CNIH3: variants seen among roughly 807,000 people sequenced by gnomAD.
The protein encoded by CNIH3 is protein cornichon homolog 3.
In CNIH3, 14 loss-of-function variants were observed where a neutral mutation model predicts 24.1. The observed-to-expected ratio is 0.58, with a 90% CI of 0.38 to 0.91. CNIH3 has a LOEUF of 0.91. Ranked by LOEUF, CNIH3 falls within the 40% of genes least tolerant of loss-of-function variation. CNIH3 has a pLI of 0.00. For synonymous variants in CNIH3, 68 were observed against 73.8 expected, an observed-to-expected ratio of 0.92 and a Z score of 0.40; for missense variants, 178 against 196.8, an observed-to-expected ratio of 0.90 and a Z score of 0.57.
chr1:224,737,935 C>T (rs969867314), intron 5 of CNIH3, among the ~76,000 whole-genome samples: 6 of 152,228 alleles, frequency 3.9e-5, no homozygotes, highest in African/African-American at 1.4e-4. Context: ...CCAGTGTGAA[C>T]AGTGTCTGCT....
rs1430854533 is a variant in CNIH3 at position 224,475,219 on chromosome 1, G to A, written n.203+40357G>A. ...AAACTACAGAAAATTAGCTGGTCGT[G>A]GCTGCATGCGCCTGTAGTCCCAGCT... On this transcript the variant is annotated intron_variant and non_coding_transcript_variant, in intron 1 of 5. Transcript: ENST00000471578. Among the ~76,000 whole-genome samples, 3 of 150,508 alleles carry A rather than the reference G, an allele frequency of 2.0e-5. No homozygotes were observed. The East Asian group carries it at 5.8e-4, about 29-fold the overall frequency.
intron 3 of CNIH3, among the ~76,000 whole-genome samples, chr1:224,690,854 C>T (rs1000563656): frequency 6.6e-6 from 1 of 152,106 alleles, no homozygotes; most frequent in Non-Finnish European, 1.5e-5. Flanking sequence ...GGTATAGTAC[C>T]GGAAATGCAG....
At chr1:224,472,357 C>T (rs1263605108) in intron 1 of CNIH3, among the ~76,000 whole-genome samples, 1 of 152,150 alleles carries the variant, frequency 6.6e-6, no homozygotes, top group African/African-American at 2.4e-5. Context: ...GCACAATTCA[C>T]AATTTCAAAA....
At chr1:224,700,021 G>A (rs1288323812) in intron 3 of CNIH3, among the ~76,000 whole-genome samples, 1 of 152,166 alleles carries the variant, frequency 6.6e-6, no homozygotes, top group Non-Finnish European at 1.5e-5. Context: ...TAGGAAGGTG[G>A]ATGTGTTGTC....
At chr1:224,553,691 T>C (rs1680019850) in intron 3 of CNIH3, among the ~76,000 whole-genome samples, 2 of 152,128 alleles carry the variant, frequency 1.3e-5, no homozygotes, top group African/African-American at 4.8e-5. Flanking sequence ...TCCAGTCTTC[T>C]GTGCATTTCC....
chr1:224,607,575 CAG>C (rs1682486291), intron 3 of CNIH3, among the ~76,000 whole-genome samples: 1 of 152,144 alleles, frequency 6.6e-6, no homozygotes, highest in African/African-American at 2.4e-5. Context: ...AAAATAATCA[CAG>C]AGTCTAGGAA....
intron 1 of CNIH3, among the ~76,000 whole-genome samples, chr1:224,647,097 C>T (rs1684642812): frequency 6.6e-6 from 1 of 152,184 alleles, no homozygotes; most frequent in Non-Finnish European, 1.5e-5. Context: ...AGCGATTCTC[C>T]TGCTTCAGCC....
At chr1:224,553,200 G>A (rs1679999019) in intron 3 of CNIH3, among the ~76,000 whole-genome samples, 3 of 148,716 alleles carry the variant, frequency 2.0e-5, no homozygotes, top group Non-Finnish European at 4.5e-5. Flanking sequence ...ATCACAGGGG[G>A]TATACCCCCT....
chr1:224,515,273 T>C (rs544672541), upstream of CNIH3, among the ~76,000 whole-genome samples: 2 of 152,246 alleles, frequency 1.3e-5, no homozygotes, highest in African/African-American at 2.4e-5. Flanking sequence ...CTTATTTATG[T>C]GTACTTTTGT....
At chr1:224,444,289 CAG>C (rs535660235) in intron 1 of CNIH3, among the ~76,000 whole-genome samples, 140 of 152,296 alleles carry the variant, frequency 9.2e-4, no homozygotes, top group African/African-American at 2.5e-3. Context: ...CCAACTGTCT[CAG>C]AATTTCTTTT....
upstream of CNIH3, among the ~76,000 whole-genome samples, chr1:224,514,773 AGT>A (rs1442567229): frequency 6.6e-6 from 1 of 152,220 alleles, no homozygotes; most frequent in African/African-American, 2.4e-5. Context: ...TTGAGGCTGC[AGT>A]GAGCCGTGGT....
chr1:224,583,556 G>T (rs1378728157), intron 5 of CNIH3, among the ~76,000 whole-genome samples: 1 of 152,180 alleles, frequency 6.6e-6, no homozygotes, highest in Non-Finnish European at 1.5e-5. Flanking sequence ...ACAAGAGGAT[G>T]GTAAGCTATG....
chr1:224,617,188 T>A lies in CNIH3; in HGVS notation c.14T>A (p.Phe5Tyr), dbSNP rs1467595313. ...GGTCCGCCGGCCATGGCCTTCACTTTCGCTGCGTTCTGCTACATGCTGTCT... is the reference window on the plus strand; with the variant it reads ...GGTCCGCCGGCCATGGCCTTCACTTACGCTGCGTTCTGCTACATGCTGTCT... The part of the protein sequence containing the change: MAFT[F>Y]AAFCYMLSLV... Residue 5 changes from phenylalanine (F) to tyrosine (Y), a missense_variant, in exon 1 of 6, where the codon TTC becomes TAC. By Grantham distance (22) the Phe-to-Tyr change is conservative. Coordinates refer to ENST00000272133, the MANE Select transcript of CNIH3 (RefSeq NM_152495.2). 1 of 1,614,176 alleles carries A rather than the reference T, an allele frequency of 6.2e-7. No individual in the cohort carries two copies. Among genetic ancestry groups the A allele is most frequent in the Non-Finnish European group, 8.5e-7 (1 of 1,180,006 alleles).
chr1:224,703,293 ACG>A lies in CNIH3; in HGVS notation c.198+18451_198+18452del, dbSNP rs1687603085. Among the ~76,000 whole-genome samples the A allele has an allele frequency of 6.6e-6, 1 of 152,206 alleles. No individual in the cohort carries two copies. Among genetic ancestry groups the A allele is most frequent in the Non-Finnish European group, 1.5e-5 (1 of 68,038 alleles). On this transcript the variant is annotated intron_variant, in intron 3 of 5. Coordinates refer to ENST00000272133, the MANE Select transcript of CNIH3 (RefSeq NM_152495.2). The surrounding 1 kb of genome is among the most constrained non-coding windows in gnomAD (Gnocchi z 4.2). ...ACGTGACCACCGGACCAGCTGAGCC[ACG>A]ATGGGCAGCTTGAATGTGTTAATGA...
chr1:224,634,728 C>T (rs1684002768), intron 1 of CNIH3, among the ~76,000 whole-genome samples: 1 of 152,162 alleles, frequency 6.6e-6, no homozygotes, highest in African/African-American at 2.4e-5. Flanking sequence ...CCTTGCCTCG[C>T]AACTCACTCC....
In CNIH3 at chr1:224,660,011, C is replaced by T. The variant is rs557168414; in HGVS notation, c.82-20947C>T. Among the ~76,000 whole-genome samples, 7 of 152,232 alleles carry T rather than the reference C, an allele frequency of 4.6e-5. No individual in the cohort carries two copies. In the South Asian group the frequency reaches 1.5e-3, roughly 32 times the overall value. The stretch of plus-strand genomic sequence containing the variant: ...GGAAATTTTTTCTAACACAGGAGAC[C>T]AATCTTTTTCACATCTCTCTCCCCT... On this transcript the variant is annotated intron_variant, in intron 1 of 5. Coordinates refer to ENST00000272133, the MANE Select transcript of CNIH3 (RefSeq NM_152495.2).
intron 1 of CNIH3, among the ~76,000 whole-genome samples, chr1:224,651,486 C>A (rs1160756079): frequency 6.6e-6 from 1 of 152,128 alleles, no homozygotes; most frequent in African/African-American, 2.4e-5. Flanking sequence ...AGCCACTGTC[C>A]CCTCCATTCT....
At chr1:224,657,783 C>G (rs1685168475) in intron 1 of CNIH3, among the ~76,000 whole-genome samples, 1 of 152,232 alleles carries the variant, frequency 6.6e-6, no homozygotes, top group South Asian at 2.1e-4. Context: ...AAGTTTTTGA[C>G]TGTAGCTGAT....
rs1245301883 is a variant in CNIH3, at chr1:224,669,022, G to T, written c.82-11936G>T. 7.2e-5 allele frequency among the ~76,000 whole-genome samples: 11 copies of T among 152,136 alleles called. 1 individual carries two copies. Among genetic ancestry groups the T allele is most frequent in the Admixed American group, 7.2e-4 (11 of 15,278 alleles). ...CCTCACTGCTTGAGCTATTCAGAGT[G>T]GCTGCCTGGCCTATGCCTATGACAA... is the stretch of plus-strand genomic sequence containing the variant. On this transcript the variant is annotated intron_variant, in intron 1 of 5. Coordinates refer to ENST00000272133, the MANE Select transcript of CNIH3 (RefSeq NM_152495.2).
Sources: gnomAD v4.1 joint callset for allele counts (sites outside exome capture counted in the v4.1 genomes callset) on GRCh38, gnomAD v4.1.1 for gene constraint, Gnocchi (gnomAD v3.1) non-coding constraint, MANE v1.5 for transcripts, NCBI Gene and HGNC (gene_info 2026-07-23, HGNC 2026-07-21) for gene names.